SRBD1: variants seen among roughly 807,000 people sequenced by gnomAD.
SRBD1 encodes the protein S1 RNA-binding domain-containing protein 1.
A neutral mutation model predicts 115.3 loss-of-function variants in SRBD1; 88 were observed. That is an observed-to-expected ratio of 0.76 (90% CI 0.64 to 0.91). The LOEUF (loss-of-function observed/expected upper bound fraction) is 0.91, where lower values mean the gene tolerates loss of function less well. Ranked by LOEUF, SRBD1 falls within the 40% of genes least tolerant of loss-of-function variation. The pLI is 0.00. For synonymous variants in SRBD1, 509 were observed against 407.7 expected, an observed-to-expected ratio of 1.25 and a Z score of -2.99; for missense variants, 1,385 against 1,177.4, an observed-to-expected ratio of 1.18 and a Z score of -2.58.
rs1034049878 is a variant in SRBD1 at position 45,546,454 on chromosome 2, A to G, written c.1874+278T>C. The stretch of plus-strand genomic sequence containing the variant: ...TATTCAATAGTTAACTAGAACCCTC[A>G]CACAATGTATAGCCTAGAAAATCCA... On this transcript the variant is annotated intron_variant, in intron 14 of 20. Coordinates refer to ENST00000263736, the MANE Select transcript of SRBD1 (RefSeq NM_018079.5). 28 of 654,784 alleles carry G rather than the reference A, an allele frequency of 4.3e-5. No homozygotes were observed. In the African/African-American group the frequency reaches 5.3e-4, roughly 12 times the overall value. The allele number at this position is 654,784 out of a possible 1,614,324, so 40.6% of individuals were successfully genotyped here. A position where few individuals can be genotyped will look rare whatever the true frequency, so the allele number is the denominator to read the frequency against.
At chr2:45,573,423 C>A in intron 8 of SRBD1, 81 bp from the exon 9 acceptor site, 32 of 1,450,800 alleles carry the variant, frequency 2.2e-5, no homozygotes, top group East Asian at 1.4e-4. Context: ...ATAAGGATAG[C>A]AAAAAAAGTT....
At chr2:45,434,651 T>A (rs960806782) in intron 16 of SRBD1, among the ~76,000 whole-genome samples, 1 of 152,158 alleles carries the variant, frequency 6.6e-6, no homozygotes, top group African/African-American at 2.4e-5. Flanking sequence ...TAACTCTCAA[T>A]TAGAATGTCA....
intron 9 of SRBD1, among the ~76,000 whole-genome samples, chr2:45,564,879 C>A (rs1208948321): frequency 6.6e-6 from 1 of 152,094 alleles, no homozygotes; most frequent in African/African-American, 2.4e-5. Flanking sequence ...CTTGCATATA[C>A]ATAGATTTGG....
chr2:45,571,194 G>C (rs184006817), intron 9 of SRBD1, among the ~76,000 whole-genome samples: 6 of 152,152 alleles, frequency 3.9e-5, no homozygotes, highest in African/African-American at 1.4e-4. Flanking sequence ...TGTTGAAGGA[G>C]TGCCCCAACA....
chr2:45,542,731 C>G (rs1379204548), intron 14 of SRBD1, among the ~76,000 whole-genome samples: 1 of 152,192 alleles, frequency 6.6e-6, no homozygotes. Context: ...CAGCATATAT[C>G]CATACAGACT....
chr2:45,466,096 G>C (rs1669478296), intron 16 of SRBD1, among the ~76,000 whole-genome samples: 2 of 152,186 alleles, frequency 1.3e-5, no homozygotes, highest in African/African-American at 4.8e-5. Context: ...TATTGCACTA[G>C]AAGAGGAACA....
intron 4 of SRBD1, among the ~76,000 whole-genome samples, chr2:45,593,847 C>T (rs1421888546): frequency 2.0e-5 from 3 of 152,062 alleles, no homozygotes; most frequent in Non-Finnish European, 2.9e-5. Flanking sequence ...AAAACCAGTG[C>T]TGTTAGAAAT....
chr2:45,448,535 C>T (rs1020951621), intron 16 of SRBD1, among the ~76,000 whole-genome samples: 5 of 152,046 alleles, frequency 3.3e-5, no homozygotes, highest in African/African-American at 7.2e-5. Context: ...ACACAAATGT[C>T]GAAATCACAC....
At chr2:45,528,127 A>G (rs374391845) in intron 14 of SRBD1, among the ~76,000 whole-genome samples, 7 of 151,922 alleles carry the variant, frequency 4.6e-5, no homozygotes, top group Admixed American at 3.9e-4. Flanking sequence ...ACTGTTGATT[A>G]CATAATTCTT....
chr2:45,564,809 C>T (rs993474057), intron 9 of SRBD1, among the ~76,000 whole-genome samples: 1 of 151,998 alleles, frequency 6.6e-6, no homozygotes, highest in Non-Finnish European at 1.5e-5. Flanking sequence ...GGATCTGAAA[C>T]CCACGCATAA....
chr2:45,581,783 T>C lies in SRBD1; in HGVS notation c.843A>G (p.Thr281=), dbSNP rs778210536. 1 of 1,613,484 alleles carries C rather than the reference T, an allele frequency of 6.2e-7. No individual in the cohort carries two copies. The highest frequency in any genetic ancestry group is 8.5e-7 in the Non-Finnish European group (1 of 1,179,752). The change falls in exon 6 of 21, where the codon ACA becomes ACG. Residue 281 remains threonine (T), a synonymous_variant. Coordinates refer to ENST00000263736, the MANE Select transcript of SRBD1 (RefSeq NM_018079.5). ...TCCCTTCCTTCTTAATTTTCTGGAT[T>C]GTACTATGAACTTTCTTTGCAACAG... The part of the protein sequence containing the change: ...LRAVAKKVHS[T]IQKIKKEGKM...
At chr2:45,484,918 G>T (rs534132347) in intron 15 of SRBD1, among the ~76,000 whole-genome samples, 1 of 152,314 alleles carries the variant, frequency 6.6e-6, no homozygotes, top group African/African-American at 2.4e-5. Flanking sequence ...GCATGTACCA[G>T]TACTTCATTC....
chr2:45,485,923 C>A (rs527433081), intron 15 of SRBD1, among the ~76,000 whole-genome samples: 23 of 152,230 alleles, frequency 1.5e-4, no homozygotes, highest in Non-Finnish European at 2.8e-4. Context: ...ACTCCAGGAC[C>A]AGATTTTAAA....
intron 19 of SRBD1, among the ~76,000 whole-genome samples, chr2:45,405,351 A>G (rs1667402109): frequency 6.6e-6 from 1 of 152,160 alleles, no homozygotes; most frequent in African/African-American, 2.4e-5. Flanking sequence ...GTGTGGGGCT[A>G]GTGAGGACTG....
intron 5 of SRBD1, among the ~76,000 whole-genome samples, chr2:45,584,250 C>A (rs992197631): frequency 6.6e-6 from 1 of 152,240 alleles, no homozygotes; most frequent in African/African-American, 2.4e-5. Flanking sequence ...CCCTGCATGA[C>A]AGTAATCTAC....
At position 45,480,563 on chromosome 2, in the gene SRBD1, G is replaced by A. The variant is rs116660919; in HGVS notation, c.1967-3488C>T. ...TGTGACTGAATTGCTGTAATCTCAT[G>A]ATCAAACTTGACATAATGAAGAGCT... On this transcript the variant is annotated intron_variant, in intron 15 of 20. Transcript: ENST00000263736. Among the ~76,000 whole-genome samples the A allele has an allele frequency of 5.8e-3, 881 of 152,286 alleles. 7 individuals are homozygous for A. The highest frequency in any genetic ancestry group is 0.018 in the African/African-American group (762 of 41,552).
At chr2:45,545,433 T>A (rs1672086268) in intron 14 of SRBD1, among the ~76,000 whole-genome samples, 1 of 151,554 alleles carries the variant, frequency 6.6e-6, no homozygotes, top group South Asian at 2.1e-4. Flanking sequence ...ACTGAAGACA[T>A]CTTCACTACT....
chr2:45,425,158 T>C (rs1668115447), intron 16 of SRBD1, among the ~76,000 whole-genome samples: 1 of 152,108 alleles, frequency 6.6e-6, no homozygotes, highest in African/African-American at 2.4e-5. Context: ...ATCTCTGATG[T>C]TTTTCCAATT....
At chr2:45,580,346 T>C (rs1387014057) in intron 6 of SRBD1, among the ~76,000 whole-genome samples, 1 of 152,088 alleles carries the variant, frequency 6.6e-6, no homozygotes, top group East Asian at 1.9e-4. Context: ...TCGTTTTTTT[T>C]GTTTTTTTCT....
Sources: gnomAD v4.1 joint callset for allele counts (sites outside exome capture counted in the v4.1 genomes callset) on GRCh38, gnomAD v4.1.1 for gene constraint, MANE v1.5 for transcripts, NCBI Gene and HGNC (gene_info 2026-07-23, HGNC 2026-07-21) for gene names.